Variants in FRMPD4 observed in about 807,000 individuals in gnomAD.
FRMPD4 encodes FERM and PDZ domain-containing protein 4.
In FRMPD4, 22 loss-of-function variants were observed where a neutral mutation model predicts 94.1. The observed-to-expected ratio is 0.23, with a 90% confidence interval of 0.17 to 0.33. The LOEUF (loss-of-function observed/expected upper bound fraction) is 0.33. Among genes scored for constraint, FRMPD4 ranks in the 10% least tolerant of loss-of-function variants. The pLI, the probability that FRMPD4 is intolerant of heterozygous loss-of-function variation, is 1.00. For synonymous variants in FRMPD4, 631 were observed against 548.6 expected, an observed-to-expected ratio of 1.15 and a Z score of -2.10; for missense variants, 1,111 against 1,339.9, an observed-to-expected ratio of 0.83 and a Z score of 2.67.
chrX:12,061,683 C>T (rs1299327865), intron 3 of FRMPD4, among the ~76,000 whole-genome samples: 1 of 111,720 alleles, frequency 9.0e-6, no homozygotes, highest in Non-Finnish European at 1.9e-5. Context: ...TTTGGAAACT[C>T]AAAAATGAAA....
At chrX:12,689,247 A>G (rs1271510328) in intron 7 of FRMPD4, among the ~76,000 whole-genome samples, 1 of 111,996 alleles carries the variant, frequency 8.9e-6, no homozygotes, top group Non-Finnish European at 1.9e-5. Flanking sequence ...GTGTGTTTGT[A>G]CATGGAACAC....
intron 1 of FRMPD4, among the ~76,000 whole-genome samples, chrX:12,167,489 T>C (rs2056141039): frequency 9.0e-6 from 1 of 111,724 alleles, no homozygotes; most frequent in Admixed American, 9.5e-5. Context: ...TCCAGTAATC[T>C]AGTTTTCTCG....
At chrX:12,291,153 G>A (rs2054681886) in intron 1 of FRMPD4, among the ~76,000 whole-genome samples, 1 of 112,110 alleles carries the variant, frequency 8.9e-6, no homozygotes, top group African/African-American at 3.2e-5. Flanking sequence ...CCTCTCTCCT[G>A]AATGGTTTTC....
intron 4 of FRMPD4, among the ~76,000 whole-genome samples, chrX:12,639,683 C>G (rs774536719): frequency 8.9e-6 from 1 of 112,400 alleles, no homozygotes; most frequent in East Asian, 2.8e-4. Context: ...AATTTTCACA[C>G]TATGTGTTCT....
intron 3 of FRMPD4, among the ~76,000 whole-genome samples, chrX:11,993,001 GGTTTT>G (rs986006190): frequency 5.2e-5 from 5 of 95,910 alleles, no homozygotes; most frequent in Non-Finnish European, 1.1e-4. Context: ...TTTTTTTTTT[GGTTTT>G]GTTTTGTTTT....
chrX:12,132,525 A>C (rs181369898), intron 3 of FRMPD4, among the ~76,000 whole-genome samples: 19 of 111,961 alleles, frequency 1.7e-4, no homozygotes, highest in Non-Finnish European at 7.5e-5. Context: ...AAGTAAGCAT[A>C]GATACTCAAA....
intron 1 of FRMPD4, among the ~76,000 whole-genome samples, chrX:12,373,850 C>T (rs1363495284): frequency 1.8e-5 from 2 of 112,166 alleles, no homozygotes; most frequent in East Asian, 2.8e-4. Flanking sequence ...CAAAGCTGTC[C>T]GCTTTCCAAA....
intron 1 of FRMPD4, among the ~76,000 whole-genome samples, chrX:12,180,454 G>A (rs12837582): frequency 0.31 from 34,586 of 110,783 alleles, 4,711 homozygotes; most frequent in African/African-American, 0.55. Flanking sequence ...AATACCCATC[G>A]CAATACATCA....
intron 3 of FRMPD4, among the ~76,000 whole-genome samples, chrX:12,070,232 G>T (rs1327725122): frequency 2.7e-5 from 3 of 110,934 alleles, no homozygotes; most frequent in African/African-American, 9.8e-5. Flanking sequence ...GATCTTGTAA[G>T]TAGTGAATGG....
At chrX:12,232,517 C>T (rs28588092) in intron 1 of FRMPD4, among the ~76,000 whole-genome samples, 1,841 of 110,497 alleles carry the variant, frequency 0.017, 45 homozygotes, top group African/African-American at 0.058. Context: ...TCCCACAACA[C>T]GTGGAAATTA....
intron 3 of FRMPD4, among the ~76,000 whole-genome samples, chrX:11,920,660 A>G (rs758691997): frequency 5.5e-4 from 62 of 112,447 alleles, no homozygotes; most frequent in Non-Finnish European, 1.0e-3. Flanking sequence ...AACCCTGGGA[A>G]GCAAATAGCA....
Position 12,035,205 on chromosome X carries a change from G to A in FRMPD4, c.95+157187G>A, listed in dbSNP as rs761549779. Among the ~76,000 whole-genome samples, 5 of 112,037 alleles carry A rather than the reference G, an allele frequency of 4.5e-5. No homozygotes were observed. In the South Asian group the frequency reaches 1.9e-3, roughly 43 times the overall value. On this transcript the variant is annotated intron_variant, in intron 3 of 18. Transcript: ENST00000640291. ...AGGAAATAACAGTATAATTTTTGGAGTATGTATTTTGGAGAGTCTTTCCCC... is the reference window on the plus strand; with the variant it reads ...AGGAAATAACAGTATAATTTTTGGAATATGTATTTTGGAGAGTCTTTCCCC...
chrX:12,157,778 G>C (rs1170692318), intron 1 of FRMPD4, among the ~76,000 whole-genome samples: 1 of 112,599 alleles, frequency 8.9e-6, no homozygotes, highest in Non-Finnish European at 1.9e-5. Context: ...CAAATGGTTA[G>C]CCCTGGCGAT....
chrX:12,119,191 A>G (rs1417282464), intron 3 of FRMPD4, among the ~76,000 whole-genome samples: 1 of 111,586 alleles, frequency 9.0e-6, no homozygotes, highest in Non-Finnish European at 1.9e-5. Context: ...TTTACAGTAG[A>G]GCCATACATA....
At chrX:12,710,376 C>G in intron 13 of FRMPD4, 23 bp from the exon 14 acceptor site, 1 of 1,178,889 alleles carries the variant, frequency 8.5e-7, no homozygotes, top group South Asian at 1.8e-5. Context: ...ATGGCTTTAA[C>G]CAAAGTGTTC....
chrX:12,392,243 G>A (rs956867036), intron 1 of FRMPD4, among the ~76,000 whole-genome samples: 1 of 106,763 alleles, frequency 9.4e-6, no homozygotes, highest in Non-Finnish European at 1.9e-5. Flanking sequence ...GTTTCACCAT[G>A]TTGGCCAGGT....
intron 3 of FRMPD4, among the ~76,000 whole-genome samples, chrX:12,127,661 C>T (rs2055512350): frequency 8.9e-6 from 1 of 112,008 alleles, no homozygotes; most frequent in Admixed American, 9.4e-5. Context: ...CAACAGTCCC[C>T]CAATGTCTTA....
intron 1 of FRMPD4, among the ~76,000 whole-genome samples, chrX:12,478,487 T>C (rs780373444): frequency 8.9e-6 from 1 of 111,754 alleles, no homozygotes; most frequent in South Asian, 3.8e-4. Context: ...GGAGGTTGCA[T>C]TGGGAGGATC....
intron 3 of FRMPD4, among the ~76,000 whole-genome samples, chrX:12,067,997 A>G (rs1006988850): frequency 2.7e-5 from 3 of 111,713 alleles, no homozygotes; most frequent in African/African-American, 9.8e-5. Flanking sequence ...GATCATCTGG[A>G]TGGACTCCAT....
Sources: gnomAD v4.1 joint callset for allele counts (sites outside exome capture counted in the v4.1 genomes callset) on GRCh38, gnomAD v4.1.1 for gene constraint, MANE v1.5 for transcripts, NCBI Gene and HGNC (gene_info 2026-07-23, HGNC 2026-07-21) for gene names.